SMARCA2: variants seen among roughly 807,000 people sequenced by gnomAD.
SMARCA2 encodes SWI/SNF related BAF chromatin remodeling complex subunit ATPase 2.
Under a neutral mutation model 199.8 loss-of-function variants are expected in SMARCA2, and 61 were observed. That is an observed-to-expected ratio of 0.31 (90% confidence interval 0.25 to 0.38). The LOEUF (loss-of-function observed/expected upper bound fraction) is 0.38. Among genes scored for constraint, SMARCA2 ranks in the 10% least tolerant of loss-of-function variants. The pLI is 1.00. For synonymous variants in SMARCA2, 935 were observed against 732.0 expected, an observed-to-expected ratio of 1.28 and a Z score of -4.48; for missense variants, 1,344 against 2,012.2, an observed-to-expected ratio of 0.67 and a Z score of 6.35.
rs73638360 is a variant in SMARCA2, at chr9:2,030,096, A to T, written c.225+849A>T. 1.7e-3 allele frequency among the ~76,000 whole-genome samples: 257 copies of T among 152,342 alleles called. 1 individual carries two copies. Among genetic ancestry groups the T allele is most frequent in the African/African-American group, 5.7e-3 (238 of 41,580 alleles). On this transcript the variant is annotated intron_variant, in intron 2 of 33. Transcript: ENST00000349721. ...ACGTAGAGGTTTTACACTCCTTGGG[A>T]TGATATCACAGGTGGATAGGGTGGC...
intron 27 of SMARCA2, among the ~76,000 whole-genome samples, chr9:2,139,191 A>G (rs904805825): frequency 6.6e-6 from 1 of 152,210 alleles, no homozygotes; most frequent in African/African-American, 2.4e-5. Flanking sequence ...CAGGCCACTG[A>G]GACCGTGGCA....
intron 4 of SMARCA2, chr9:2,043,025 A>T (rs1819679670): frequency 1.3e-5 from 2 of 152,186 alleles, no homozygotes; most frequent in Non-Finnish European, 1.5e-5. Flanking sequence ...AAAAGATAAA[A>T]TAAGGCATGA....
chr9:2,107,742 T>C (rs981484757), intron 23 of SMARCA2, among the ~76,000 whole-genome samples: 1 of 152,240 alleles, frequency 6.6e-6, no homozygotes, highest in African/African-American at 2.4e-5. Context: ...TTCAGTGCTT[T>C]ATTTTGCATG....
At chr9:2,055,250 A>G (rs1346554777) in intron 6 of SMARCA2, among the ~76,000 whole-genome samples, 2 of 152,262 alleles carry the variant, frequency 1.3e-5, no homozygotes, top group East Asian at 1.9e-4. Flanking sequence ...GTTTGATCAC[A>G]TCAGGCTCAT....
chr9:2,114,059 G>T (rs182392148), intron 24 of SMARCA2, among the ~76,000 whole-genome samples: 1 of 152,348 alleles, frequency 6.6e-6, no homozygotes, highest in Non-Finnish European at 1.5e-5. Flanking sequence ...CTCTGTTCCA[G>T]GAGATAGTGA....
intron 31 of SMARCA2, among the ~76,000 whole-genome samples, chr9:2,185,109 G>T (rs1001769256): frequency 1.3e-5 from 2 of 151,868 alleles, no homozygotes; most frequent in Non-Finnish European, 2.9e-5. Flanking sequence ...TATTCACTTT[G>T]ATGGGCAACA....
rs370333093 is a variant in SMARCA2 at position 2,056,665 on chromosome 9, T to C, written c.1174-7T>C. 1 of 1,611,942 alleles carries C rather than the reference T, an allele frequency of 6.2e-7. No homozygotes were observed. The highest frequency in any genetic ancestry group is 8.5e-7 in the Non-Finnish European group (1 of 1,179,272). On this transcript the variant is annotated splice_region_variant and splice_polypyrimidine_tract_variant and intron_variant, in intron 6 of 33. Transcript: ENST00000349721. The surrounding 1 kb of genome is among the most constrained non-coding windows in gnomAD (Gnocchi z 4.0). ...GGAAGGCTGTCTAACTGCTCTCTTCTTGACAGCTGAGACAGGAGGTGGTGG... is the reference window on the plus strand; with the variant it reads ...GGAAGGCTGTCTAACTGCTCTCTTCCTGACAGCTGAGACAGGAGGTGGTGG...
chr9:2,046,833 A>G lies in SMARCA2; in HGVS notation c.791-396A>G, dbSNP rs532477716. On this transcript the variant is annotated intron_variant, in intron 4 of 33. Transcript: ENST00000349721. Reference sequence around the variant, plus strand: ...TCTCAATGCACCTGTAATTAAAAAAAGAAAAAGAAAGAAACCCATTGCAGA... The same window carrying G: ...TCTCAATGCACCTGTAATTAAAAAAGGAAAAAGAAAGAAACCCATTGCAGA... Among the ~76,000 whole-genome samples the G allele has an allele frequency of 6.0e-5, 9 of 150,282 alleles. No homozygotes were observed. The South Asian group carries it at 1.9e-3, about 31-fold the overall frequency.
Position 2,177,589 on chromosome 9 carries a change from G to C in SMARCA2, c.4254-3982G>C, listed in dbSNP as rs191997834. Among the ~76,000 whole-genome samples, 224 of 151,630 alleles carry C rather than the reference G, an allele frequency of 1.5e-3. 1 individual carries two copies. The highest frequency in any genetic ancestry group is 3.4e-3 in the Middle Eastern group (1 of 294). On this transcript the variant is annotated intron_variant, in intron 29 of 33. Transcript: ENST00000349721. ...TTTTTTGAAACTGAGTTTCGCTCTC[G>C]TTGCCCAGGCTGGAGTGCAGTGGCG...
intron 24 of SMARCA2, among the ~76,000 whole-genome samples, chr9:2,111,491 C>CAAAAAA (rs148112929): frequency 1.1e-5 from 1 of 86,968 alleles, no homozygotes; most frequent in Non-Finnish European, 2.6e-5. Context: ...GACCGTGTCT[C>CAAAAAA]AAAAAAAAAA....
rs1052039118 is a variant in SMARCA2, at chr9:2,039,439, G to A, written c.356-27G>A. On this transcript the variant is annotated intron_variant, in intron 3 of 33. Transcript: ENST00000349721. The surrounding 1 kb of genome is among the most constrained non-coding windows in gnomAD (Gnocchi z 4.8). ...CTTTCAGGGTTGTCAGGGGCAGCCT[G>A]TGATTTCCTTTTGTGTTTTATTTTA... 2.5e-5 allele frequency: 40 copies of A among 1,598,818 alleles called. No individual in the cohort carries two copies. The highest frequency in any genetic ancestry group is 3.3e-5 in the Non-Finnish European group (39 of 1,170,514).
chr9:2,131,768 C>T (rs1382507353), intron 27 of SMARCA2, among the ~76,000 whole-genome samples: 1 of 152,006 alleles, frequency 6.6e-6, no homozygotes, highest in African/African-American at 2.4e-5. Context: ...GGCGAAACCC[C>T]GTCTCTACTA....
chr9:2,082,910 C>T (rs1286295105), intron 15 of SMARCA2, among the ~76,000 whole-genome samples: 2 of 152,112 alleles, frequency 1.3e-5, no homozygotes, highest in Non-Finnish European at 2.9e-5. Context: ...CTTTAAAAAA[C>T]GTCATTCAAT....
intron 1 of SMARCA2, among the ~76,000 whole-genome samples, chr9:2,018,263 T>C (rs1017969641): frequency 3.9e-5 from 6 of 152,240 alleles, no homozygotes; most frequent in Non-Finnish European, 7.3e-5. Context: ...CCGGGTGTTA[T>C]GTAATTTTAG....
intron 27 of SMARCA2, among the ~76,000 whole-genome samples, chr9:2,138,987 G>C (rs1185157280): frequency 6.6e-6 from 1 of 152,188 alleles, no homozygotes; most frequent in African/African-American, 2.4e-5. Context: ...CATATCTGTA[G>C]CTTAGTAACT....
At chr9:2,045,939 A>G (rs1285902472) in intron 4 of SMARCA2, 1 of 152,052 alleles carries the variant, frequency 6.6e-6, no homozygotes, top group African/African-American at 2.4e-5. Flanking sequence ...ATGTTTGCTT[A>G]TAGCTTTCTT....
chr9:2,170,551 G>T lies in SMARCA2; in HGVS notation c.4253+79G>T. ...GTGAAACAGATTGAATCATATAATC[G>T]GCCTTTGGAAGCAAATTTCTTCGGT... On this transcript the variant is annotated intron_variant, in intron 29 of 33. Coordinates refer to ENST00000349721, the MANE Select transcript of SMARCA2 (RefSeq NM_003070.5). The surrounding 1 kb of genome is among the most constrained non-coding windows in gnomAD (Gnocchi z 4.7). 1.2e-6 allele frequency: 2 copies of T among 1,606,950 alleles called. No homozygotes were observed. Among genetic ancestry groups the T allele is most frequent in the Middle Eastern group, 1.7e-4 (1 of 6,020 alleles).
At chr9:2,094,087 T>A (rs1586698342) in intron 19 of SMARCA2, among the ~76,000 whole-genome samples, 1 of 151,948 alleles carries the variant, frequency 6.6e-6, no homozygotes, top group East Asian at 1.9e-4. Flanking sequence ...TAGAGTAGAG[T>A]TAGAAAGGAG....
At chr9:2,131,319 C>A (rs145162032) in intron 27 of SMARCA2, among the ~76,000 whole-genome samples, 3 of 152,278 alleles carry the variant, frequency 2.0e-5, no homozygotes, top group Non-Finnish European at 2.9e-5. Context: ...GTCCTTATGT[C>A]TGAATGTGTA....
Sources: allele counts gnomAD v4.1 joint callset (sites outside exome capture counted in the v4.1 genomes callset), GRCh38; gene constraint gnomAD v4.1.1; non-coding constraint Gnocchi (gnomAD v3.1); transcripts MANE v1.5; gene names NCBI Gene and HGNC (gene_info 2026-07-23, HGNC 2026-07-21).